NOS3: variants seen among roughly 807,000 people sequenced by gnomAD.
NOS3 encodes the protein NOS type III.
NOS3 carries 98 observed loss-of-function variants against 144.9 expected under a neutral mutation model. The ratio of observed to expected loss-of-function variants is 0.68; its 90% CI spans 0.57 to 0.80. The LOEUF (loss-of-function observed/expected upper bound fraction) is 0.80. NOS3 is among the 30% of genes least tolerant of loss of function. NOS3 has a pLI of 0.00. For missense variants in NOS3, 1,465 were observed against 1,656.4 expected, an observed-to-expected ratio of 0.88 and a Z score of 2.01; for synonymous variants, 714 against 702.4, an observed-to-expected ratio of 1.02 and a Z score of -0.26.
At position 150,991,213 on chromosome 7, in the gene NOS3, A is replaced by C. The variant is rs914712457; in HGVS notation, c.-139A>C. 5.9e-5 allele frequency: 9 copies of C among 152,240 alleles called. No homozygotes were observed. The East Asian group carries it at 1.2e-3, about 20-fold the overall frequency. 9.4% of individuals were successfully genotyped at this position (152,240 alleles called of 1,614,324 possible). ...AAACCTTAGAAGAGGAATTTATTAT[A>C]TCCTACACAAGACTCCAGGGAAGCA... On this transcript the variant is annotated 5_prime_UTR_variant, in exon 1 of 27. Coordinates refer to ENST00000297494, the MANE Select transcript of NOS3 (RefSeq NM_000603.5).
intron 15 of NOS3, 85 bp from the exon 16 acceptor site, chr7:151,006,804 C>A (rs34372288): frequency 9.0e-7 from 1 of 1,105,310 alleles, no homozygotes. Context: ...GGCAGAGACC[C>A]TGAAGCCGTC....
chr7:150,995,332 T>C lies in NOS3; in HGVS notation c.270+18T>C, dbSNP rs1203287248. 8 of 1,546,576 alleles carry C rather than the reference T, an allele frequency of 5.2e-6. No individual in the cohort carries two copies. The highest frequency in any genetic ancestry group is 1.7e-5 in the Admixed American group (1 of 59,312). On this transcript the variant is annotated intron_variant, in intron 3 of 26. Transcript: ENST00000297494. ...CGCAGCAGGTAAGGCCGGCATGCCC[T>C]GTCCCCATCGTCTCCAGGGAAAGGG...
In NOS3 at chr7:150,996,524, A is replaced by G; in HGVS notation, c.391A>G (p.Ile131Val). The G allele has an allele frequency of 6.2e-7, 1 of 1,603,618 alleles. No homozygotes were observed. The highest frequency in any genetic ancestry group is 8.5e-7 in the Non-Finnish European group (1 of 1,177,106). ...GCTGCTGAGTCAGGCCCGGGACTTC[A>G]TCAACCAGTACTACAGCTCCATTAA... ...EQLLSQARDF[I>V]NQYYSSIKRS... The change falls in exon 4 of 27, where the codon ATC (isoleucine) becomes GTC (valine). Residue 131 changes from isoleucine to valine, a missense_variant. This residue lies in a region of NOS3 where 374 missense variants were observed against 377.0 expected (regional missense o/e 0.99). Coordinates refer to ENST00000297494, the MANE Select transcript of NOS3 (RefSeq NM_000603.5).
At chr7:151,012,546 A>C (rs1795329024) in intron 24 of NOS3, 74 bp downstream of exon 24, 1 of 1,518,724 alleles carries the variant, frequency 6.6e-7, no homozygotes, top group Non-Finnish European at 9.0e-7. Context: ...GCTGGAAGGC[A>C]GGAAATAGGA....
chr7:150,997,466 T>TTC (rs1802457431), intron 5 of NOS3, among the ~76,000 whole-genome samples: 2 of 152,118 alleles, frequency 1.3e-5, no homozygotes, highest in Admixed American at 6.5e-5. Context: ...GTTCCCCTGC[T>TTC]TCGGCCCGCA....
In NOS3 at chr7:151,013,909, C is replaced by A. The variant is rs1282954863; in HGVS notation, c.3441C>A (p.Gly1147=). 4 of 1,599,776 alleles carry A rather than the reference C, an allele frequency of 2.5e-6. No individual in the cohort carries two copies. The Admixed American group carries it at 6.9e-5, about 28-fold the overall frequency. The change falls in exon 26 of 27, where the codon GGC becomes GGA. Residue 1147 remains glycine, a synonymous_variant. Coordinates refer to ENST00000297494, the MANE Select transcript of NOS3 (RefSeq NM_000603.5). ...TGGACGAGGCCGGCGACGTCATCGGCGTGCTGCGGGTGCGGAGGGGCGGGC... is the reference window on the plus strand; with the variant it reads ...TGGACGAGGCCGGCGACGTCATCGGAGTGCTGCGGGTGCGGAGGGGCGGGC... ...MELDEAGDVI[G]VLRDQQRYHE...
In NOS3 at chr7:150,995,228, C is replaced by T. The variant is rs781177134; in HGVS notation, c.184C>T (p.Pro62Ser). 1 of 1,609,870 alleles carries T rather than the reference C, an allele frequency of 6.2e-7. No individual in the cohort carries two copies. Among genetic ancestry groups the T allele is most frequent in the South Asian group, 1.1e-5 (1 of 90,956 alleles). Residue 62 changes from proline to serine, a missense_variant, in exon 3 of 27, where the codon CCC becomes TCC. Physicochemically the swap from Pro to Ser is moderately conservative, Grantham distance 74. Transcript: ENST00000297494. ...HSPPSSPLTQ[P>S]PEGPKFPRVK... ...CCCCCCGAGCTCCCCGCTAACCCAG[C>T]CCCCAGAGGGGCCCAAGTTCCCTCG...
At chr7:151,013,062 G>A in intron 24 of NOS3, 169 bp from the exon 25 acceptor site, 1 of 720,206 alleles carries the variant, frequency 1.4e-6, no homozygotes, top group Non-Finnish European at 2.3e-6. Context: ...GGGCTGTGCA[G>A]GGTCTCTGTG....
chr7:151,012,529 G>A, intron 24 of NOS3, 57 bp downstream of exon 24: 1 of 1,567,584 alleles, frequency 6.4e-7, no homozygotes, highest in Admixed American at 1.8e-5. Flanking sequence ...AGGGACAGAG[G>A]GGTGGGGCTG....
chr7:151,000,778 C>A (rs542143130), intron 10 of NOS3, among the ~76,000 whole-genome samples, 179 bp downstream of exon 10: 1 of 152,310 alleles, frequency 6.6e-6, no homozygotes, highest in Non-Finnish European at 1.5e-5. Context: ...AGGGCAGGTA[C>A]TATTCCAGGC....
Position 151,001,593 on chromosome 7 carries a change from A to G in NOS3, c.1478A>G (p.Lys493Arg). The G allele has an allele frequency of 6.2e-7, 1 of 1,613,998 alleles. No individual in the cohort carries two copies. Among genetic ancestry groups the G allele is most frequent in the Non-Finnish European group, 8.5e-7 (1 of 1,180,010 alleles). Residue 493 changes from lysine (K) to arginine (R), a missense_variant, in exon 12 of 27, where the codon AAG becomes AGG. Coordinates refer to ENST00000297494, the MANE Select transcript of NOS3 (RefSeq NM_000603.5). ...GCCAAGGGCACCGGCATCACCAGGA[A>G]GAAGACCTTTAAAGAAGTGGCCAAG... ...SAAKGTGITR[K>R]KTFKEVANAV...
At position 150,998,983 on chromosome 7, in the gene NOS3, G is replaced by C; in HGVS notation, c.854G>C (p.Arg285Pro). 5 of 1,612,532 alleles carry C rather than the reference G, an allele frequency of 3.1e-6. No individual in the cohort carries two copies. The highest frequency in any genetic ancestry group is 4.2e-6 in the Non-Finnish European group (5 of 1,179,890). ...IQHGWTPGNG[R>P]FDVLPLLLQA... Reference sequence around the variant, plus strand: ...CACGGCTGGACCCCAGGAAACGGTCGCTTCGACGTGCTGCCCCTGCTGCTG... The same window carrying C: ...CACGGCTGGACCCCAGGAAACGGTCCCTTCGACGTGCTGCCCCTGCTGCTG... Residue 285 changes from arginine (R) to proline (P), a missense_variant, in exon 8 of 27, where the codon CGC becomes CCC. Physicochemically the swap from Arg to Pro is moderately radical, Grantham distance 103. This residue lies in a region of NOS3 where 12 missense variants were observed against 30.1 expected (regional missense o/e 0.40). Coordinates refer to ENST00000297494, the MANE Select transcript of NOS3 (RefSeq NM_000603.5). The surrounding 1 kb of genome is among the most constrained non-coding windows in gnomAD (Gnocchi z 5.0).
chr7:150,998,713 C>T lies in NOS3; in HGVS notation c.816+33C>T. ...CCGAGGGCCACCCATGAGGGTGTCCCCAAGGTGGAGAATGAGGAAACCAGT... is the reference window on the plus strand; with the variant it reads ...CCGAGGGCCACCCATGAGGGTGTCCTCAAGGTGGAGAATGAGGAAACCAGT... On this transcript the variant is annotated intron_variant, in intron 7 of 26. Coordinates refer to ENST00000297494, the MANE Select transcript of NOS3 (RefSeq NM_000603.5). The surrounding 1 kb of genome is among the most constrained non-coding windows in gnomAD (Gnocchi z 5.0). 6.3e-7 allele frequency: 1 copy of T among 1,584,612 alleles called. No homozygotes were observed. Among genetic ancestry groups the T allele is most frequent in the Non-Finnish European group, 8.6e-7 (1 of 1,165,530 alleles).
intron 9 of NOS3, 149 bp from the exon 10 acceptor site, chr7:151,000,349 C>T: frequency 3.2e-6 from 2 of 619,882 alleles, no homozygotes; most frequent in South Asian, 3.8e-5. Flanking sequence ...AGGCAAAAAC[C>T]TGAACCAGCC....
chr7:151,013,485 C>A (rs2117141080), intron 25 of NOS3, 106 bp downstream of exon 25: 1 of 1,408,408 alleles, frequency 7.1e-7, no homozygotes, highest in East Asian at 2.4e-5. Flanking sequence ...TGGCCTCCCA[C>A]GACCACTCAG....
intron 26 of NOS3, 44 bp downstream of exon 26, chr7:151,013,962 A>G: frequency 6.2e-7 from 1 of 1,606,404 alleles, no homozygotes. Flanking sequence ...GGTTCCTGCT[A>G]AGGTCTCCGA....
At chr7:150,999,415 A>T (rs2117112318) in intron 9 of NOS3, 51 bp downstream of exon 9, 1 of 1,508,632 alleles carries the variant, frequency 6.6e-7, no homozygotes. Context: ...CCAAGGCAGG[A>T]GTCTGGCTCT....
rs200385697 is a variant in NOS3 at position 151,009,475 on chromosome 7, T to C, written c.2402T>C (p.Val801Ala). Residue 801 changes from valine (V) to alanine (A), a missense_variant, in exon 20 of 27, where the codon GTC becomes GCC. Val to Ala is a moderately conservative substitution (Grantham distance 64). Transcript: ENST00000297494. Reference sequence around the variant, plus strand: ...TACCAGCCGGGGGACCACATAGGTGTCTGCCCGCCCAACCGGCCCGGCCTT... The same window carrying C: ...TACCAGCCGGGGGACCACATAGGTGCCTGCCCGCCCAACCGGCCCGGCCTT... ...LQYQPGDHIG[V>A]CPPNRPGLVE... is the part of the protein sequence containing the mutation. 1 of 1,548,452 alleles carries C rather than the reference T, an allele frequency of 6.5e-7. No individual in the cohort carries two copies. Among genetic ancestry groups the C allele is most frequent in the East Asian group, 2.4e-5 (1 of 40,898 alleles).
rs770196062 is a variant in NOS3 at position 151,010,592 on chromosome 7, G to A, written c.2686-5G>A. On this transcript the variant is annotated splice_polypyrimidine_tract_variant and splice_region_variant and intron_variant, in intron 21 of 26. Coordinates refer to ENST00000297494, the MANE Select transcript of NOS3 (RefSeq NM_000603.5). ...CCTCCAACCCACTGCATCCTGCCCC[G>A]CCAGGATCCCCGACGCTACGAGGAG... 1.2e-5 allele frequency: 19 copies of A among 1,574,352 alleles called. No individual in the cohort carries two copies. Among genetic ancestry groups the A allele is most frequent in the Admixed American group, 1.8e-5 (1 of 55,786 alleles).
Sources: gnomAD v4.1 joint callset for allele counts (sites outside exome capture counted in the v4.1 genomes callset) on GRCh38, gnomAD v4.1.1 for gene constraint, gnomAD v4.1.1 regional missense constraint, Gnocchi (gnomAD v3.1) non-coding constraint, MANE v1.5 for transcripts, NCBI Gene and HGNC (gene_info 2026-07-23, HGNC 2026-07-21) for gene names.